MYO16: variants seen among roughly 807,000 people sequenced by gnomAD.
MYO16 encodes unconventional myosin-XVI.
MYO16 carries 94 observed loss-of-function variants against 205.3 expected under a neutral mutation model. The observed-to-expected ratio is 0.46, with a 90% confidence interval of 0.39 to 0.54. MYO16 has a LOEUF of 0.54. MYO16 is among the 20% of genes least tolerant of loss of function. MYO16 has a pLI of 0.00. For synonymous variants in MYO16, 988 were observed against 954.0 expected, an observed-to-expected ratio of 1.04 and a Z score of -0.66; for missense variants, 2,315 against 2,387.5, an observed-to-expected ratio of 0.97 and a Z score of 0.63.
intron 27 of MYO16, among the ~76,000 whole-genome samples, chr13:109,081,784 C>G (rs938579502): frequency 1.3e-5 from 2 of 152,042 alleles, no homozygotes; most frequent in African/African-American, 4.8e-5. Context: ...AAGGTAGAAC[C>G]TTTGTATTTT....
chr13:108,893,506 A>C (rs1482064657), intron 14 of MYO16, among the ~76,000 whole-genome samples: 1 of 152,204 alleles, frequency 6.6e-6, no homozygotes, highest in African/African-American at 2.4e-5. Flanking sequence ...CTAAGTGAGC[A>C]CTTCCTATAC....
intron 3 of MYO16, among the ~76,000 whole-genome samples, chr13:108,718,397 A>G (rs1376372357): frequency 6.6e-6 from 1 of 151,910 alleles, no homozygotes. Context: ...CAATCACAGC[A>G]GAAGACAATA....
chr13:108,652,180 T>C (rs2139403711), intron 1 of MYO16, among the ~76,000 whole-genome samples: 1 of 152,262 alleles, frequency 6.6e-6, no homozygotes, highest in East Asian at 1.9e-4. Context: ...TGTGCGCGTG[T>C]GTGTGTGTGA....
At chr13:108,670,500 G>A (rs1881936761) in intron 2 of MYO16, among the ~76,000 whole-genome samples, 1 of 152,104 alleles carries the variant, frequency 6.6e-6, no homozygotes, top group Admixed American at 6.6e-5. Context: ...AAGAACCATG[G>A]CCCTTGGCTA....
chr13:108,681,801 GT>G, intron 2 of MYO16, among the ~76,000 whole-genome samples: 1 of 152,282 alleles, frequency 6.6e-6, no homozygotes, highest in African/African-American at 2.4e-5. Context: ...ATGTAGAAAT[GT>G]AGTTAGGCAT....
In MYO16 at chr13:109,040,006, G is replaced by A. The variant is rs531292147; in HGVS notation, c.2797-6910G>A. 2.9e-3 allele frequency among the ~76,000 whole-genome samples: 445 copies of A among 152,104 alleles called. 1 individual carries two copies. Among genetic ancestry groups the A allele is most frequent in the Non-Finnish European group, 4.9e-3 (330 of 67,978 alleles). On this transcript the variant is annotated intron_variant, in intron 23 of 34. Coordinates refer to ENST00000457511, the MANE Select transcript of MYO16 (RefSeq NM_001198950.3). ...AATAAAACAAGGAAAATCATTATAG[G>A]CCCTGTAGACATCAAAAAGATACAA...
At chr13:108,620,632 G>A (rs1208289333) in intron 1 of MYO16, among the ~76,000 whole-genome samples, 1 of 152,168 alleles carries the variant, frequency 6.6e-6, no homozygotes, top group Non-Finnish European at 1.5e-5. Context: ...TGGAAAGAAG[G>A]AAGCAGAGAT....
At chr13:108,738,259 C>T (rs576032283) in intron 4 of MYO16, among the ~76,000 whole-genome samples, 6 of 152,264 alleles carry the variant, frequency 3.9e-5, no homozygotes, top group African/African-American at 1.4e-4. Context: ...CCTGCTTTCT[C>T]TTGTGGGCAT....
intron 10 of MYO16, among the ~76,000 whole-genome samples, chr13:108,850,227 T>A (rs1345997043): frequency 6.6e-6 from 1 of 152,218 alleles, no homozygotes; most frequent in East Asian, 1.9e-4. Context: ...TGTTGCCCCC[T>A]GGGCTTCTAC....
chr13:108,816,037 A>G (rs1388857711), intron 7 of MYO16, among the ~76,000 whole-genome samples: 1 of 152,238 alleles, frequency 6.6e-6, no homozygotes, highest in Non-Finnish European at 1.5e-5. Context: ...GTCTCAAGGC[A>G]ATTCAATAAG....
At chr13:109,196,646 C>T (rs375864602) in intron 34 of MYO16, among the ~76,000 whole-genome samples, 1 of 152,106 alleles carries the variant, frequency 6.6e-6, no homozygotes, top group Non-Finnish European at 1.5e-5. Flanking sequence ...CTGACAGGAG[C>T]TTGTTTATGA....
chr13:109,091,066 C>CCGCA (rs1256572921), intron 27 of MYO16, among the ~76,000 whole-genome samples: 1 of 152,188 alleles, frequency 6.6e-6, no homozygotes, highest in Non-Finnish European at 1.5e-5. Context: ...AATCACCCTT[C>CCGCA]CGCACCTGCT....
intron 29 of MYO16, among the ~76,000 whole-genome samples, chr13:109,120,739 C>T (rs1234327724): frequency 1.3e-5 from 2 of 152,128 alleles, no homozygotes; most frequent in South Asian, 4.1e-4. Flanking sequence ...GGATATGCCC[C>T]TATGTGAATC....
At chr13:108,860,817 T>C (rs935582299) in intron 11 of MYO16, among the ~76,000 whole-genome samples, 1 of 152,108 alleles carries the variant, frequency 6.6e-6, no homozygotes, top group Non-Finnish European at 1.5e-5. Flanking sequence ...AAGACATAAA[T>C]GTAAAACCCA....
chr13:109,140,497 G>T lies in MYO16; in HGVS notation c.4285G>T (p.Asp1429Tyr). 6.5e-7 allele frequency: 1 copy of T among 1,547,234 alleles called. No individual in the cohort carries two copies. Among genetic ancestry groups the T allele is most frequent in the South Asian group, 1.2e-5 (1 of 85,126 alleles). The change falls in exon 32 of 35, where the codon GAC becomes TAC. Residue 1429 changes from aspartate to tyrosine, a missense_variant. Asp to Tyr is a radical substitution (Grantham distance 160). Transcript: ENST00000457511. The surrounding 1 kb of genome is among the most constrained non-coding windows in gnomAD (Gnocchi z 8.0). Reference sequence around the variant, plus strand: ...GGCGGCGCCTCCGGGTGACGAGGACGACAGCGAGCCTGTGTACATCGAGAT... The same window carrying T: ...GGCGGCGCCTCCGGGTGACGAGGACTACAGCGAGCCTGTGTACATCGAGAT... Reference protein sequence around the residue: ...PPAAPPGDEDDSEPVYIEMLG... With the variant: ...PPAAPPGDEDYSEPVYIEMLG...
intron 9 of MYO16, among the ~76,000 whole-genome samples, chr13:108,839,817 A>C (rs975742934): frequency 1.3e-5 from 2 of 152,178 alleles, no homozygotes; most frequent in Admixed American, 6.5e-5. Context: ...AAAGTCTTTT[A>C]TCTCTCCTCC....
In MYO16 at chr13:108,813,017, A is replaced by T. The variant is rs564474803; in HGVS notation, c.867+6213A>T. 2.6e-4 allele frequency among the ~76,000 whole-genome samples: 39 copies of T among 152,310 alleles called. 1 individual carries two copies. The South Asian group carries it at 8.1e-3, about 32-fold the overall frequency. ...CTCAGATATTCCATTATAGCTACACAAATACAACTATGACAACTGTATAAA... is the reference window on the plus strand; with the variant it reads ...CTCAGATATTCCATTATAGCTACACTAATACAACTATGACAACTGTATAAA... On this transcript the variant is annotated intron_variant, in intron 7 of 34. Coordinates refer to ENST00000457511, the MANE Select transcript of MYO16 (RefSeq NM_001198950.3).
At chr13:108,895,749 C>T (rs184948156) in intron 14 of MYO16, among the ~76,000 whole-genome samples, 7 of 152,090 alleles carry the variant, frequency 4.6e-5, no homozygotes, top group Non-Finnish European at 1.0e-4. Flanking sequence ...ACACTGGTTC[C>T]GAGAGTTAAC....
At chr13:108,967,008 G>C (rs1035727979) in intron 20 of MYO16, among the ~76,000 whole-genome samples, 1 of 151,922 alleles carries the variant, frequency 6.6e-6, no homozygotes, top group Non-Finnish European at 1.5e-5. Flanking sequence ...GATTGTGATA[G>C]AATAGACATA....
Sources: gnomAD v4.1 joint callset for allele counts (sites outside exome capture counted in the v4.1 genomes callset) on GRCh38, gnomAD v4.1.1 for gene constraint, Gnocchi (gnomAD v3.1) non-coding constraint, MANE v1.5 for transcripts, NCBI Gene and HGNC (gene_info 2026-07-23, HGNC 2026-07-21) for gene names.